Variants in FGF14 observed in about 807,000 individuals in gnomAD.
The protein encoded by FGF14 is fibroblast growth factor homologous factor 4.
Under a neutral mutation model 25.5 loss-of-function variants are expected in FGF14, and 5 were observed. The ratio of observed to expected loss-of-function variants is 0.20; its 90% CI spans 0.10 to 0.41. The LOEUF (loss-of-function observed/expected upper bound fraction) is 0.41, where lower values mean the gene tolerates loss of function less well. Ranked by LOEUF, FGF14 falls within the 10% of genes least tolerant of loss-of-function variation. FGF14 has a pLI of 1.00. For synonymous variants in FGF14, 138 were observed against 118.3 expected (o/e 1.17, Z -1.08); for missense variants, 222 against 320.1 (o/e 0.69, Z 2.34).
At chr13:102,197,633 C>T (rs1334593658) in intron 1 of FGF14, among the ~76,000 whole-genome samples, 2 of 151,376 alleles carry the variant, frequency 1.3e-5, no homozygotes, top group Non-Finnish European at 2.9e-5. Flanking sequence ...GCCATAAATA[C>T]AAATATCAAT....
chr13:102,380,710 T>C (rs58598297), intron 1 of FGF14, among the ~76,000 whole-genome samples: 3,680 of 152,264 alleles, frequency 0.024, 156 homozygotes, highest in African/African-American at 0.083. Context: ...GAAGTGTAAT[T>C]TACATCTCAC....
intron 1 of FGF14, among the ~76,000 whole-genome samples, chr13:102,051,185 G>A (rs2042201721): frequency 6.6e-6 from 1 of 152,088 alleles, no homozygotes; most frequent in African/African-American, 2.4e-5. Context: ...CTCATTACAT[G>A]TGCCCATGTT....
Position 101,714,737 on chromosome 13 carries a change from A to G in FGF14, c.*8094T>C. ...AAAGCCTCACATTATTCCTAGGCAT[A>G]GAAGAATACAAGAGAATGAAGCTAA... On this transcript the variant is annotated 3_prime_UTR_variant, in exon 5 of 5. Transcript: ENST00000376143. 1 of 579,184 alleles carries G rather than the reference A, an allele frequency of 1.7e-6. No individual in the cohort carries two copies. The allele number at this position is 579,184 out of a possible 1,614,324, so 35.9% of individuals were successfully genotyped here. A position where few individuals can be genotyped will look rare whatever the true frequency, so the allele number is the denominator to read the frequency against.
intron 1 of FGF14, among the ~76,000 whole-genome samples, chr13:101,964,824 T>C (rs1428176130): frequency 1.3e-5 from 2 of 152,180 alleles, no homozygotes; most frequent in Admixed American, 6.5e-5. Flanking sequence ...AGGATACAAA[T>C]AGTTGTGCAC....
chr13:102,224,876 C>T (rs571350587), intron 1 of FGF14, among the ~76,000 whole-genome samples: 2 of 152,256 alleles, frequency 1.3e-5, no homozygotes, highest in East Asian at 1.9e-4. Flanking sequence ...TAAGTTGGTG[C>T]ACTGAACTGC....
intron 1 of FGF14, among the ~76,000 whole-genome samples, chr13:102,231,107 A>G (rs1279646825): frequency 1.3e-5 from 2 of 152,164 alleles, no homozygotes; most frequent in African/African-American, 2.4e-5. Context: ...CAATCTGGTG[A>G]GCCAAGTTGC....
intron 3 of FGF14, among the ~76,000 whole-genome samples, chr13:101,786,188 A>G (rs1054809472): frequency 1.3e-5 from 2 of 152,186 alleles, no homozygotes; most frequent in Non-Finnish European, 2.9e-5. Flanking sequence ...CTCACCTCCC[A>G]GAATTCTAAG....
intron 3 of FGF14, among the ~76,000 whole-genome samples, chr13:101,819,302 T>C (rs1298571213): frequency 6.6e-6 from 1 of 152,218 alleles, no homozygotes; most frequent in African/African-American, 2.4e-5. Flanking sequence ...ATTATTTTCT[T>C]CATAAGACAG....
intron 1 of FGF14, among the ~76,000 whole-genome samples, chr13:102,252,009 A>G (rs979084550): frequency 2.0e-5 from 3 of 152,220 alleles, no homozygotes; most frequent in African/African-American, 7.2e-5. Flanking sequence ...ATAATGCTGT[A>G]CCAGTCCAGT....
At chr13:102,263,470 T>G (rs940140943) in intron 1 of FGF14, among the ~76,000 whole-genome samples, 1 of 152,078 alleles carries the variant, frequency 6.6e-6, no homozygotes, top group Non-Finnish European at 1.5e-5. Context: ...GCACCCCCAA[T>G]AGAGACAGTA....
At chr13:102,078,224 G>C (rs1284082325) in intron 1 of FGF14, among the ~76,000 whole-genome samples, 2 of 152,052 alleles carry the variant, frequency 1.3e-5, no homozygotes, top group Non-Finnish European at 2.9e-5. Flanking sequence ...GTCCAATATG[G>C]TAACTATAGT....
chr13:102,168,896 A>G (rs2048127550), intron 1 of FGF14, among the ~76,000 whole-genome samples: 1 of 152,088 alleles, frequency 6.6e-6, no homozygotes, highest in Non-Finnish European at 1.5e-5. Flanking sequence ...GGAGCATTGT[A>G]AAATACTGAT....
At chr13:101,818,981 C>T (rs79217126) in intron 3 of FGF14, among the ~76,000 whole-genome samples, 1 of 152,122 alleles carries the variant, frequency 6.6e-6, no homozygotes, top group Non-Finnish European at 1.5e-5. Context: ...AGCTTACCCC[C>T]CAGGTTACAA....
chr13:102,368,561 A>G (rs1438194666), intron 1 of FGF14, among the ~76,000 whole-genome samples: 2 of 152,142 alleles, frequency 1.3e-5, no homozygotes, highest in Admixed American at 1.3e-4. Context: ...CTGAGAAGCT[A>G]ACATACTGAG....
chr13:102,267,421 A>G (rs2053041739), intron 1 of FGF14, among the ~76,000 whole-genome samples: 2 of 152,210 alleles, frequency 1.3e-5, no homozygotes, highest in Non-Finnish European at 2.9e-5. Flanking sequence ...GAAAAAATAC[A>G]TGACTCATAC....
chr13:101,741,295 C>G (rs752268473), intron 3 of FGF14, among the ~76,000 whole-genome samples: 1 of 152,142 alleles, frequency 6.6e-6, no homozygotes, highest in Non-Finnish European at 1.5e-5. Context: ...GAGATCACAC[C>G]ATTGCACTCC....
chr13:102,318,833 T>C (rs1221149199), intron 1 of FGF14, among the ~76,000 whole-genome samples: 1 of 152,176 alleles, frequency 6.6e-6, no homozygotes, highest in African/African-American at 2.4e-5. Flanking sequence ...ATGACATTGA[T>C]GGCTACCTGT....
In FGF14 at chr13:102,261,720, C is replaced by A. The variant is rs142780783; in HGVS notation, c.208+139751G>T. Among the ~76,000 whole-genome samples, 383 of 152,268 alleles carry A rather than the reference C, an allele frequency of 2.5e-3. 1 individual carries two copies. Among genetic ancestry groups the A allele is most frequent in the South Asian group, 0.017 (82 of 4,824 alleles). On this transcript the variant is annotated intron_variant, in intron 1 of 4. Transcript: ENST00000376131. ...ATTCCTAGAATTCAAATTAAACAGT[C>A]TAATTTTCAAAGACTTTCATAAGTT...
At chr13:101,902,960 A>G (rs2031759168) in intron 1 of FGF14, among the ~76,000 whole-genome samples, 2 of 152,182 alleles carry the variant, frequency 1.3e-5, no homozygotes, top group African/African-American at 4.8e-5. Context: ...GCCAGCTGAT[A>G]CTGTTATCTC....
Sources: allele counts gnomAD v4.1 joint callset (sites outside exome capture counted in the v4.1 genomes callset), GRCh38; gene constraint gnomAD v4.1.1; transcripts MANE v1.5; gene names NCBI Gene and HGNC (gene_info 2026-07-23, HGNC 2026-07-21).